The following NTRK3 variants were observed in gnomAD, a reference collection of about 807,000 sequenced individuals.
NTRK3 encodes the protein neurotrophic receptor tyrosine kinase 3.
Under a neutral mutation model 91.7 loss-of-function variants are expected in NTRK3, and 24 were observed. That is an observed-to-expected ratio of 0.26 (90% CI 0.19 to 0.37). The LOEUF is 0.37. NTRK3 is among the 10% of genes least tolerant of loss of function. The pLI, the probability that NTRK3 is intolerant of heterozygous loss-of-function variation, is 1.00. For missense variants in NTRK3, 880 were observed against 1,068.9 expected (o/e 0.82, Z 2.46); for synonymous variants, 483 against 404.0 (o/e 1.20, Z -2.34).
chr15:87,897,776 T>C (rs1567082661), intron 17 of NTRK3, among the ~76,000 whole-genome samples: 1 of 152,124 alleles, frequency 6.6e-6, no homozygotes, highest in East Asian at 1.9e-4. Flanking sequence ...AGATTGACTT[T>C]ACTAAATAGT....
At chr15:88,051,285 C>G (rs1303782067) in intron 13 of NTRK3, among the ~76,000 whole-genome samples, 2 of 152,186 alleles carry the variant, frequency 1.3e-5, no homozygotes, top group African/African-American at 4.8e-5. Flanking sequence ...TTTCTTGAAC[C>G]TAACTCTCCC....
At chr15:88,068,707 G>A (rs2046860836) in intron 13 of NTRK3, among the ~76,000 whole-genome samples, 1 of 152,136 alleles carries the variant, frequency 6.6e-6, no homozygotes, top group Admixed American at 6.5e-5. Flanking sequence ...CTTAGCATGG[G>A]CCCGTGGCTA....
chr15:88,108,516 A>C (rs2050961874), intron 13 of NTRK3, among the ~76,000 whole-genome samples: 1 of 151,974 alleles, frequency 6.6e-6, no homozygotes, highest in African/African-American at 2.4e-5. Flanking sequence ...CCTGTGATCT[A>C]CCCTCTCCAA....
At chr15:87,871,916 T>A (rs1042568780) in exon 19 of NTRK3, 2 of 221,298 alleles carry the variant, frequency 9.0e-6, no homozygotes, top group Non-Finnish European at 1.8e-5. Flanking sequence ...TTAATAATGA[T>A]GCATAAACTT....
At chr15:88,157,105 T>C (rs2043976818) in intron 5 of NTRK3, among the ~76,000 whole-genome samples, 1 of 152,040 alleles carries the variant, frequency 6.6e-6, no homozygotes, top group East Asian at 1.9e-4. Context: ...GGGACCTCTT[T>C]CTGTCCCTGT....
At chr15:87,885,917 T>G (rs1220540725) in intron 17 of NTRK3, among the ~76,000 whole-genome samples, 182 bp from the exon 18 acceptor site, 1 of 151,898 alleles carries the variant, frequency 6.6e-6, no homozygotes, top group Non-Finnish European at 1.5e-5. Flanking sequence ...AACATAAGCA[T>G]AGCTAAAAGA....
At chr15:87,929,156 G>A (rs1441567522) in intron 17 of NTRK3, 35 bp downstream of exon 17, 2 of 1,614,110 alleles carry the variant, frequency 1.2e-6, no homozygotes, top group Non-Finnish European at 1.7e-6. Flanking sequence ...CGCTAGCTCT[G>A]TGGCTGAGTC....
intron 13 of NTRK3, among the ~76,000 whole-genome samples, chr15:88,091,884 C>G (rs963654670): frequency 2.0e-5 from 3 of 152,202 alleles, no homozygotes; most frequent in African/African-American, 4.8e-5. Context: ...CCCCTTTCTG[C>G]CCTACTCAAG....
chr15:88,063,173 G>C (rs1159428398), intron 13 of NTRK3, among the ~76,000 whole-genome samples: 1 of 152,244 alleles, frequency 6.6e-6, no homozygotes, highest in Non-Finnish European at 1.5e-5. Flanking sequence ...GAAGTGTTAA[G>C]AGTGCTTGGT....
At chr15:88,073,455 C>T (rs146084005) in intron 13 of NTRK3, among the ~76,000 whole-genome samples, 64 of 152,238 alleles carry the variant, frequency 4.2e-4, no homozygotes, top group African/African-American at 1.3e-3. Flanking sequence ...GGCCCAGAGG[C>T]GGGTGTTGTC....
chr15:88,062,737 G>A (rs1208209122), intron 13 of NTRK3, among the ~76,000 whole-genome samples: 1 of 152,234 alleles, frequency 6.6e-6, no homozygotes, highest in Non-Finnish European at 1.5e-5. Context: ...GCTACTCACA[G>A]CCAAATGAAT....
rs141020496 is a variant in NTRK3, at chr15:88,090,328, C to T, written c.1396+35943G>A. Among the ~76,000 whole-genome samples, 38 of 152,254 alleles carry T rather than the reference C, an allele frequency of 2.5e-4. 1 individual carries two copies. The Middle Eastern group carries it at 0.014, about 55-fold the overall frequency. ...GACTGTTTTATTTATTGCCAAATCCCGGTATGTAAGCCAGTACTTGGTGCC... is the reference window on the plus strand; with the variant it reads ...GACTGTTTTATTTATTGCCAAATCCTGGTATGTAAGCCAGTACTTGGTGCC... On this transcript the variant is annotated intron_variant, in intron 13 of 18. Coordinates refer to ENST00000394480, the Ensembl canonical transcript of NTRK3.
chr15:88,183,543 G>T (rs991341632), intron 4 of NTRK3, 54 bp from the exon 5 acceptor site: 2 of 1,538,528 alleles, frequency 1.3e-6, no homozygotes, highest in Non-Finnish European at 1.8e-6. Flanking sequence ...AGGGATATCT[G>T]CTCTGGGCTG....
intron 14 of NTRK3, among the ~76,000 whole-genome samples, chr15:87,972,191 G>A (rs1469953785): frequency 6.6e-6 from 1 of 152,196 alleles, no homozygotes; most frequent in African/African-American, 2.4e-5. Context: ...CAAAGGCAGA[G>A]CTAGGCTTCA....
chr15:87,878,906 G>GGTGTGT (rs34029623), intron 18 of NTRK3, among the ~76,000 whole-genome samples: 54 of 142,032 alleles, frequency 3.8e-4, no homozygotes, highest in South Asian at 1.2e-3. Flanking sequence ...GTGCATGCAT[G>GGTGTGT]GTGTGTGTGT....
intron 5 of NTRK3, among the ~76,000 whole-genome samples, chr15:88,183,121 T>C (rs182349201): frequency 6.7e-6 from 1 of 150,180 alleles, no homozygotes; most frequent in East Asian, 2.0e-4. Flanking sequence ...TTCCCTATCA[T>C]TTACGTTCCC....
chr15:87,904,927 A>C (rs2066671909), intron 17 of NTRK3, among the ~76,000 whole-genome samples: 1 of 152,216 alleles, frequency 6.6e-6, no homozygotes, highest in African/African-American at 2.4e-5. Flanking sequence ...AGATAAGTGA[A>C]AGTGGAGTAT....
intron 17 of NTRK3, among the ~76,000 whole-genome samples, chr15:87,900,559 G>T (rs977782024): frequency 6.6e-6 from 1 of 152,200 alleles, no homozygotes; most frequent in African/African-American, 2.4e-5. Context: ...GTTTTGCTAA[G>T]ATTCCTCTCT....
chr15:88,178,267 G>T (rs551052640), intron 5 of NTRK3, among the ~76,000 whole-genome samples: 1 of 152,154 alleles, frequency 6.6e-6, no homozygotes, highest in Non-Finnish European at 1.5e-5. Context: ...TTATTCCAAG[G>T]AGAAAGAACA....
Sources: gnomAD v4.1 joint callset for allele counts (sites outside exome capture counted in the v4.1 genomes callset) on GRCh38, gnomAD v4.1.1 for gene constraint, MANE v1.5 for transcripts, NCBI Gene and HGNC (gene_info 2026-07-23, HGNC 2026-07-21) for gene names.